Variants in SOX11 observed in about 807,000 individuals in gnomAD.
SOX11 encodes the protein transcription factor SOX-11.
A neutral mutation model predicts 16.7 loss-of-function variants in SOX11; 5 were observed. The observed-to-expected ratio is 0.30, with a 90% CI of 0.16 to 0.63. The LOEUF (loss-of-function observed/expected upper bound fraction) is 0.63, where lower values mean the gene tolerates loss of function less well. Ranked by LOEUF, SOX11 falls within the 20% of genes least tolerant of loss-of-function variation. SOX11 has a pLI of 0.82. For synonymous variants in SOX11, 363 were observed against 298.8 expected, an observed-to-expected ratio of 1.21 and a Z score of -2.22; for missense variants, 492 against 641.5, an observed-to-expected ratio of 0.77 and a Z score of 2.52.
At position 5,694,666 on chromosome 2, in the gene SOX11, A is replaced by ATTTTTTTTTTTTTTTTTTTT. The variant is rs5829022; in HGVS notation, c.*632_*651dup. The stretch of plus-strand genomic sequence containing the variant: ...GACCATTGCAACTTTTGTTAATTTA[A>ATTTTTTTTTTTTTTTTTTTT]TTTTTTTTTTTTTTTTTTTTTTTTT... On this transcript the variant is annotated 3_prime_UTR_variant, in exon 1 of 1. Coordinates refer to ENST00000322002, the MANE Select transcript of SOX11 (RefSeq NM_003108.4). 1 of 42,816 alleles carries ATTTTTTTTTTTTTTTTTTTT rather than the reference A, an allele frequency of 2.3e-5. No individual in the cohort carries two copies. The highest frequency in any genetic ancestry group is 4.7e-5 in the Non-Finnish European group (1 of 21,482). The allele number at this position is 42,816 out of a possible 1,614,324, so 2.7% of individuals were successfully genotyped here. A position where few individuals can be genotyped will look rare whatever the true frequency, so the allele number is the denominator to read the frequency against.
Position 5,693,537 on chromosome 2 carries a change from C to A in SOX11, c.816C>A (p.Val272=). 1.3e-6 allele frequency: 2 copies of A among 1,567,190 alleles called. No homozygotes were observed. Among genetic ancestry groups the A allele is most frequent in the Non-Finnish European group, 1.7e-6 (2 of 1,163,636 alleles). Reference sequence around the variant, plus strand: ...CGCAGCTGCTGAGACGCTACAACGTCGCCAAAGTGCCCGCCAGCCCTACGC... The same window carrying A: ...CGCAGCTGCTGAGACGCTACAACGTAGCCAAAGTGCCCGCCAGCCCTACGC... ...QPSQLLRRYN[V]AKVPASPTLS... is the part of the protein sequence containing the mutation. The change falls in exon 1 of 1, where the codon GTC becomes GTA. Residue 272 remains valine (V), a synonymous_variant. Coordinates refer to ENST00000322002, the MANE Select transcript of SOX11 (RefSeq NM_003108.4). The surrounding 1 kb of genome is among the most constrained non-coding windows in gnomAD (Gnocchi z 8.6).
At position 5,701,208 on chromosome 2, in the gene SOX11, A is replaced by G. The variant is rs1173822892; in HGVS notation, c.*7161A>G. ...GTAAAAACCTGATCACATAGAGAAT[A>G]TCAGTGGCTTGTGCTTGTGCTTCGA... On this transcript the variant is annotated 3_prime_UTR_variant, in exon 1 of 1. Coordinates refer to ENST00000322002, the MANE Select transcript of SOX11 (RefSeq NM_003108.4). 1.8e-5 allele frequency: 3 copies of G among 167,202 alleles called. No homozygotes were observed. The East Asian group carries it at 5.8e-4, about 32-fold the overall frequency. The allele number at this position is 167,202 out of a possible 1,614,324, so 10.4% of individuals were successfully genotyped here.
chr2:5,693,536 T>C lies in SOX11; in HGVS notation c.815T>C (p.Val272Ala). 6.4e-7 allele frequency: 1 copy of C among 1,567,462 alleles called. No homozygotes were observed. The highest frequency in any genetic ancestry group is 8.6e-7 in the Non-Finnish European group (1 of 1,163,964). Residue 272 changes from valine to alanine, a missense_variant, in exon 1 of 1, where the codon GTC becomes GCC. Physicochemically the swap from Val to Ala is moderately conservative, Grantham distance 64. This residue lies in a region of SOX11 where 389 missense variants were observed against 389.0 expected (regional missense o/e 1.00). Transcript: ENST00000322002. This position sits in a 1 kb window ranked among gnomAD's most constrained non-coding sequence, Gnocchi z 8.6. ...QPSQLLRRYNVAKVPASPTLS... is the reference protein window; with the variant it reads ...QPSQLLRRYNAAKVPASPTLS... ...TCGCAGCTGCTGAGACGCTACAACG[T>C]CGCCAAAGTGCCCGCCAGCCCTACG...
rs1185966888 is a variant in SOX11 at position 5,694,797 on chromosome 2, A to C, written c.*750A>C. The C allele has an allele frequency of 6.3e-6, 1 of 159,408 alleles. No homozygotes were observed. Among genetic ancestry groups the C allele is most frequent in the Non-Finnish European group, 1.5e-5 (1 of 67,698 alleles). 9.9% of individuals were successfully genotyped at this position (159,408 alleles called of 1,614,324 possible). ...TGTACAAACGCTTACAAAAAAAAAA[A>C]CTGTGAACTGACTTAAGATCAGAGT... is the stretch of plus-strand genomic sequence containing the variant. On this transcript the variant is annotated 3_prime_UTR_variant, in exon 1 of 1. Transcript: ENST00000322002.
rs1448489215 is a variant in SOX11 at position 5,692,935 on chromosome 2, C to T, written c.214C>T (p.Pro72Ser). Residue 72 changes from proline to serine, a missense_variant, in exon 1 of 1, where the codon CCG becomes TCG. Pro to Ser is a moderately conservative substitution (Grantham distance 74). Transcript: ENST00000322002. The part of the protein sequence containing the change: ...IERRKIMEQS[P>S]DMHNAEISKR... ...ACGCAGGAAGATCATGGAGCAGTCT[C>T]CGGACATGCACAACGCCGAGATCTC... 6.2e-7 allele frequency: 1 copy of T among 1,612,110 alleles called. No individual in the cohort carries two copies. Among genetic ancestry groups the T allele is most frequent in the Non-Finnish European group, 8.5e-7 (1 of 1,179,256 alleles).
In SOX11 at chr2:5,693,393, G is replaced by GGAC. The variant is rs746846042; in HGVS notation, c.699_701dup (p.Asp233dup). On this transcript the variant is annotated inframe_insertion, in exon 1 of 1. Coordinates refer to ENST00000322002, the MANE Select transcript of SOX11 (RefSeq NM_003108.4). The surrounding 1 kb of genome is among the most constrained non-coding windows in gnomAD (Gnocchi z 8.6). ...CGGTCAAGTGCGTGTTTCTGGATGA[G>GGAC]GACGACGACGACGACGACGACGACG... The GGAC allele has an allele frequency of 1.2e-4, 188 of 1,586,406 alleles. No homozygotes were observed. Among genetic ancestry groups the GGAC allele is most frequent in the African/African-American group, 4.6e-4 (34 of 74,446 alleles).
Position 5,694,046 on chromosome 2 carries a change from G to T in SOX11, c.1325G>T (p.Ter442LeuextTer75). The T allele has an allele frequency of 1.3e-6, 2 of 1,548,358 alleles. No homozygotes were observed. ...ANFSDLVFTY[*>L] ...TTCTCCGACCTGGTGTTCACATATT[G>T]AAAGGCGCCCGCTGCTCGCTCTTTC... The change falls in exon 1 of 1, where the codon TGA (stop) becomes TTA (leucine). Residue 442 changes from the stop codon to leucine, a stop_lost. Coordinates refer to ENST00000322002, the MANE Select transcript of SOX11 (RefSeq NM_003108.4).
Position 5,693,473 on chromosome 2 carries a change from C to T in SOX11, c.752C>T (p.Pro251Leu). The T allele has an allele frequency of 6.3e-7, 1 of 1,587,374 alleles. No homozygotes were observed. The highest frequency in any genetic ancestry group is 1.1e-5 in the South Asian group (1 of 89,570). Residue 251 changes from proline to leucine, a missense_variant, in exon 1 of 1, where the codon CCG (proline) becomes CTG (leucine). Pro to Leu is a moderately conservative substitution (Grantham distance 98, BLOSUM62 -3). Around this residue, in one of 4 missense-constraint regions of SOX11, gnomAD observed 389 missense variants for 389.0 expected, o/e 1.00. Transcript: ENST00000322002. This position sits in a 1 kb window ranked among gnomAD's most constrained non-coding sequence, Gnocchi z 8.6. ...QEPDEEDEEP[P>L]HQQLLQPPGQ... ...CCGGACGAGGAGGACGAGGAACCAC[C>T]GCACCAGCAGCTCCTGCAGCCGCCG...
chr2:5,693,202 A>G lies in SOX11; in HGVS notation c.481A>G (p.Lys161Glu). 1 of 1,519,428 alleles carries G rather than the reference A, an allele frequency of 6.6e-7. No individual in the cohort carries two copies. Among genetic ancestry groups the G allele is most frequent in the Non-Finnish European group, 8.8e-7 (1 of 1,139,998 alleles). The allele number at this position is 1,519,428 out of a possible 1,614,324, so 94.1% of individuals were successfully genotyped here. The change falls in exon 1 of 1, where the codon AAG becomes GAG. Residue 161 changes from lysine (K) to glutamate (E), a missense_variant. Around this residue, in one of 4 missense-constraint regions of SOX11, gnomAD observed 389 missense variants for 389.0 expected, o/e 1.00. Transcript: ENST00000322002. The surrounding 1 kb of genome is among the most constrained non-coding windows in gnomAD (Gnocchi z 8.6). ...AGGCGCGGGCGGTGCCAAGACCTCC[A>G]AGGGCTCCAGCAAGAAATGCGGCAA... The part of the protein sequence containing the change: ...GGGAGGAKTS[K>E]GSSKKCGKLK...
rs1367524930 is a variant in SOX11 at position 5,696,700 on chromosome 2, G to A, written c.*2653G>A. ...TGAGGCGCGCGGAGACACCAGCGCT[G>A]GCTTCCCGGGCCCGCGGGCCGGGGA... On this transcript the variant is annotated 3_prime_UTR_variant, in exon 1 of 1. Coordinates refer to ENST00000322002, the MANE Select transcript of SOX11 (RefSeq NM_003108.4). 1 of 151,832 alleles carries A rather than the reference G, an allele frequency of 6.6e-6. No individual in the cohort carries two copies. The highest frequency in any genetic ancestry group is 2.0e-4 in the East Asian group (1 of 5,052). 9.4% of individuals were successfully genotyped at this position (151,832 alleles called of 1,614,324 possible). A position where few individuals can be genotyped will look rare whatever the true frequency, so the allele number is the denominator to read the frequency against.
At position 5,693,733 on chromosome 2, in the gene SOX11, T is replaced by C; in HGVS notation, c.1012T>C (p.Ser338Pro). 2.5e-6 allele frequency: 4 copies of C among 1,594,850 alleles called. No individual in the cohort carries two copies. The highest frequency in any genetic ancestry group is 2.6e-6 in the Non-Finnish European group (3 of 1,174,084). Residue 338 changes from serine (S) to proline (P), a missense_variant, in exon 1 of 1, where the codon TCG (serine) becomes CCG (proline). Physicochemically the swap from Ser to Pro is moderately conservative, Grantham distance 74. Around this residue, in one of 4 missense-constraint regions of SOX11, gnomAD observed 389 missense variants for 389.0 expected, o/e 1.00. Transcript: ENST00000322002. The surrounding 1 kb of genome is among the most constrained non-coding windows in gnomAD (Gnocchi z 8.6). ...CGCGCTGTCGCCCGCGTCCTCGCGC[T>C]CGGTGTCCACCTCCTCGTCCAGCAG... is the stretch of plus-strand genomic sequence containing the variant. ...QPALSPASSRSVSTSSSSSSG... is the reference protein window; with the variant it reads ...QPALSPASSRPVSTSSSSSSG...
In SOX11 at chr2:5,692,831, G is replaced by A. The variant is rs1242668001; in HGVS notation, c.110G>A (p.Ser37Asn). 1 of 1,613,578 alleles carries A rather than the reference G, an allele frequency of 6.2e-7. No homozygotes were observed. Among genetic ancestry groups the A allele is most frequent in the Admixed American group, 1.7e-5 (1 of 59,982 alleles). ...MACSPVALDESDPDWCKTASG... is the reference protein window; with the variant it reads ...MACSPVALDENDPDWCKTASG... ...TGCAGCCCGGTGGCCCTGGACGAGA[G>A]CGACCCAGACTGGTGCAAGACGGCG... Residue 37 changes from serine (S) to asparagine (N), a missense_variant, in exon 1 of 1, where the codon AGC becomes AAC. Ser to Asn is a conservative substitution (Grantham distance 46, BLOSUM62 1). Coordinates refer to ENST00000322002, the MANE Select transcript of SOX11 (RefSeq NM_003108.4).
In SOX11 at chr2:5,692,751, G is replaced by T. The variant is rs748803674; in HGVS notation, c.30G>T (p.Ala10=). 5.6e-6 allele frequency: 9 copies of T among 1,604,090 alleles called. No individual in the cohort carries two copies. Among genetic ancestry groups the T allele is most frequent in the African/African-American group, 1.3e-5 (1 of 74,950 alleles). Residue 10 remains alanine, a synonymous_variant, in exon 1 of 1, where the codon GCG becomes GCT. Coordinates refer to ENST00000322002, the MANE Select transcript of SOX11 (RefSeq NM_003108.4). MVQQAESLE[A]ESNLPREALD... Reference sequence around the variant, plus strand: ...TGCAGCAGGCGGAGAGCTTGGAAGCGGAGAGCAACCTGCCCCGGGAGGCGC... The same window carrying T: ...TGCAGCAGGCGGAGAGCTTGGAAGCTGAGAGCAACCTGCCCCGGGAGGCGC...
In SOX11 at chr2:5,693,222, C is replaced by T. The variant is rs1382848255; in HGVS notation, c.501C>T (p.Cys167=). ...CCTCCAAGGGCTCCAGCAAGAAATG[C>T]GGCAAGCTCAAGGCCCCCGCGGCCG... is the stretch of plus-strand genomic sequence containing the variant. ...AKTSKGSSKK[C]GKLKAPAAAG... Residue 167 remains cysteine, a synonymous_variant, in exon 1 of 1, where the codon TGC becomes TGT. Coordinates refer to ENST00000322002, the MANE Select transcript of SOX11 (RefSeq NM_003108.4). This position sits in a 1 kb window ranked among gnomAD's most constrained non-coding sequence, Gnocchi z 8.6. 3 of 1,484,072 alleles carry T rather than the reference C, an allele frequency of 2.0e-6. No individual in the cohort carries two copies. Among genetic ancestry groups the T allele is most frequent in the African/African-American group, 2.9e-5 (2 of 69,836 alleles). The allele number at this position is 1,484,072 out of a possible 1,614,324, so 91.9% of individuals were successfully genotyped here. A position where few individuals can be genotyped will look rare whatever the true frequency, so the allele number is the denominator to read the frequency against.
At position 5,699,774 on chromosome 2, in the gene SOX11, C is replaced by A. The variant is rs1425772437; in HGVS notation, c.*5727C>A. 1.3e-5 allele frequency: 2 copies of A among 157,318 alleles called. No individual in the cohort carries two copies. Among genetic ancestry groups the A allele is most frequent in the East Asian group, 2.4e-4 (1 of 4,248 alleles). 9.7% of individuals were successfully genotyped at this position (157,318 alleles called of 1,614,324 possible). A position where few individuals can be genotyped will look rare whatever the true frequency, so the allele number is the denominator to read the frequency against. ...CGTTTTTTTCATTGTACTTTTTTAA[C>A]ACTACCTATATCCATTAGCTGCCTA... On this transcript the variant is annotated 3_prime_UTR_variant, in exon 1 of 1. Coordinates refer to ENST00000322002, the MANE Select transcript of SOX11 (RefSeq NM_003108.4).
In SOX11 at chr2:5,693,291, C is replaced by T. The variant is rs1264398333; in HGVS notation, c.570C>T (p.Asp190=). 4 of 1,523,742 alleles carry T rather than the reference C, an allele frequency of 2.6e-6. No individual in the cohort carries two copies. The highest frequency in any genetic ancestry group is 3.5e-6 in the Non-Finnish European group (4 of 1,143,124). The allele number at this position is 1,523,742 out of a possible 1,614,324, so 94.4% of individuals were successfully genotyped here. Residue 190 remains aspartate, a synonymous_variant, in exon 1 of 1, where the codon GAC becomes GAT. Transcript: ENST00000322002. The surrounding 1 kb of genome is among the most constrained non-coding windows in gnomAD (Gnocchi z 8.6). ...CGGGCAAGGCGGCCCAGTCCGGGGACTACGGGGGCGCGGGCGACGACTACG... is the reference window on the plus strand; with the variant it reads ...CGGGCAAGGCGGCCCAGTCCGGGGATTACGGGGGCGCGGGCGACGACTACG... The part of the protein sequence containing the change: ...AGAGKAAQSG[D]YGGAGDDYVL...
Position 5,692,807 on chromosome 2 carries a change from G to C in SOX11, c.86G>C (p.Cys29Ser). The stretch of plus-strand genomic sequence containing the variant: ...ACGGAGGAGGGCGAATTCATGGCTT[G>C]CAGCCCGGTGGCCCTGGACGAGAGC... ...LDTEEGEFMACSPVALDESDP... is the reference protein window; with the variant it reads ...LDTEEGEFMASSPVALDESDP... The change falls in exon 1 of 1, where the codon TGC becomes TCC. Residue 29 changes from cysteine to serine, a missense_variant. Coordinates refer to ENST00000322002, the MANE Select transcript of SOX11 (RefSeq NM_003108.4). 1 of 1,612,932 alleles carries C rather than the reference G, an allele frequency of 6.2e-7. No individual in the cohort carries two copies. Among genetic ancestry groups the C allele is most frequent in the South Asian group, 1.1e-5 (1 of 90,920 alleles).
chr2:5,693,722 C>A lies in SOX11; in HGVS notation c.1001C>A (p.Ala334Glu). The A allele has an allele frequency of 1.3e-6, 2 of 1,597,754 alleles. No homozygotes were observed. Residue 334 changes from alanine to glutamate, a missense_variant, in exon 1 of 1, where the codon GCG (alanine) becomes GAG (glutamate). By Grantham distance (107) the Ala-to-Glu change is moderately radical. Around this residue, in one of 4 missense-constraint regions of SOX11, gnomAD observed 389 missense variants for 389.0 expected, o/e 1.00. Transcript: ENST00000322002. This position sits in a 1 kb window ranked among gnomAD's most constrained non-coding sequence, Gnocchi z 8.6. ...PPLAQPALSP[A>E]SSRSVSTSSS... ...CTCGCGCAGCCCGCGCTGTCGCCCG[C>A]GTCCTCGCGCTCGGTGTCCACCTCC...
chr2:5,694,728 T>C lies in SOX11; in HGVS notation c.*681T>C. On this transcript the variant is annotated 3_prime_UTR_variant, in exon 1 of 1. Coordinates refer to ENST00000322002, the MANE Select transcript of SOX11 (RefSeq NM_003108.4). ...GGAGAAAACTGATGTCTTCTATGCA[T>C]CCGATTCTTAACAAAACTGCAGGGA... 7.4e-6 allele frequency: 1 copy of C among 135,268 alleles called. No homozygotes were observed. The highest frequency in any genetic ancestry group is 1.6e-5 in the Non-Finnish European group (1 of 62,296). 8.4% of individuals were successfully genotyped at this position (135,268 alleles called of 1,614,324 possible).
Sources: gnomAD v4.1 joint callset for allele counts on GRCh38, gnomAD v4.1.1 for gene constraint, gnomAD v4.1.1 regional missense constraint, Gnocchi (gnomAD v3.1) non-coding constraint, MANE v1.5 for transcripts, NCBI Gene and HGNC (gene_info 2026-07-23, HGNC 2026-07-21) for gene names.